ANKRD36: variants seen among roughly 807,000 people sequenced by gnomAD.
The protein encoded by ANKRD36 is ankyrin repeat domain-containing protein 36A.
A neutral mutation model predicts 278.1 loss-of-function variants in ANKRD36; 179 were observed. The ratio of observed to expected loss-of-function variants is 0.64; its 90% CI spans 0.57 to 0.73. The LOEUF is 0.73. Among genes scored for constraint, ANKRD36 ranks in the 30% least tolerant of loss-of-function variants. ANKRD36 has a pLI of 0.00. For missense variants in ANKRD36, 1,159 were observed against 1,956.7 expected (o/e 0.59, Z 7.69); for synonymous variants, 320 against 641.1 (o/e 0.50, Z 7.57).
chr2:97,219,587 T>G (rs1323597459), intron 66 of ANKRD36, among the ~76,000 whole-genome samples: 3 of 148,020 alleles, frequency 2.0e-5, no homozygotes, highest in Non-Finnish European at 4.5e-5. Flanking sequence ...GTTCAAGCAA[T>G]TCTCTTGCCT....
chr2:97,242,597 G>C (rs1178218737), intron 69 of ANKRD36, among the ~76,000 whole-genome samples: 15 of 145,284 alleles, frequency 1.0e-4, no homozygotes, highest in Non-Finnish European at 1.3e-4. Context: ...ACCTAGTCTT[G>C]GATTACAGTA....
intron 67 of ANKRD36, among the ~76,000 whole-genome samples, chr2:97,226,700 C>G (rs1415632496): frequency 3.3e-5 from 5 of 151,898 alleles, no homozygotes. Flanking sequence ...AGTCCTTGCC[C>G]ATGCCTATGT....
chr2:97,159,345 T>C (rs1311786443), intron 17 of ANKRD36, among the ~76,000 whole-genome samples: 1 of 152,110 alleles, frequency 6.6e-6, no homozygotes, highest in Non-Finnish European at 1.5e-5. Flanking sequence ...ATATTTAAGG[T>C]AATGTGTATC....
At chr2:97,209,437 T>G (rs1325075521) in intron 54 of ANKRD36, among the ~76,000 whole-genome samples, 1 of 146,498 alleles carries the variant, frequency 6.8e-6, no homozygotes, top group Non-Finnish European at 1.5e-5. Flanking sequence ...ACGGTTTTAT[T>G]TTAGTTTTTG....
chr2:97,193,306 G>T (rs1212383262), intron 38 of ANKRD36, among the ~76,000 whole-genome samples: 2 of 137,664 alleles, frequency 1.5e-5, no homozygotes, highest in African/African-American at 2.6e-5. Flanking sequence ...AGGCATAAGG[G>T]GCTCCGGGGA....
At position 97,192,844 on chromosome 2, in the gene ANKRD36, C is replaced by A. The variant is rs1341462181; in HGVS notation, c.2348-14C>A. The A allele has an allele frequency of 3.1e-6, 5 of 1,600,756 alleles. No individual in the cohort carries two copies. Among genetic ancestry groups the A allele is most frequent in the Non-Finnish European group, 4.3e-6 (5 of 1,175,534 alleles). The stretch of plus-strand genomic sequence containing the variant: ...GTTACATATGAGTGATTATGTATCC[C>A]TTTTGCTTTTCAGTGTCTTCTCAGA... On this transcript the variant is annotated splice_polypyrimidine_tract_variant and intron_variant, in intron 36 of 75. Coordinates refer to ENST00000420699, the MANE Select transcript of ANKRD36 (RefSeq NM_001354587.1).
chr2:97,181,004 C>T lies in ANKRD36; in HGVS notation c.1736-594C>T, dbSNP rs543369447. The stretch of plus-strand genomic sequence containing the variant: ...AGGCTAAACTAGTGGATACAAGAAT[C>T]TTAGGCAAATTATTACACCACATGG... On this transcript the variant is annotated intron_variant, in intron 24 of 75. Coordinates refer to ENST00000420699, the MANE Select transcript of ANKRD36 (RefSeq NM_001354587.1). Among the ~76,000 whole-genome samples, 176 of 151,738 alleles carry T rather than the reference C, an allele frequency of 1.2e-3. 1 individual carries two copies. The highest frequency in any genetic ancestry group is 4.2e-3 in the African/African-American group (174 of 41,494).
intron 40 of ANKRD36, among the ~76,000 whole-genome samples, chr2:97,195,739 A>G (rs1269695866): frequency 1.3e-5 from 2 of 151,980 alleles, no homozygotes; most frequent in Non-Finnish European, 2.9e-5. Context: ...ACTGCCAACA[A>G]GGGTATTCTA....
chr2:97,114,221 A>G (rs2034524926), intron 1 of ANKRD36, among the ~76,000 whole-genome samples: 2 of 94,626 alleles, frequency 2.1e-5, no homozygotes, highest in Non-Finnish European at 4.2e-5. Flanking sequence ...CTTGGGGGGT[A>G]GGGGCGTGGA....
chr2:97,243,908 G>C lies in ANKRD36; in HGVS notation c.4370G>C (p.Arg1457Thr). The C allele has an allele frequency of 1.2e-6, 2 of 1,606,786 alleles. No homozygotes were observed. Among genetic ancestry groups the C allele is most frequent in the Non-Finnish European group, 1.7e-6 (2 of 1,178,416 alleles). ...GTTGAAGAGGTGCACCAAAAAGTTA[G>C]GGAAAAGTTAAGAATAACAGAAGAG... ...RNVEEVHQKV[R>T]EKLRITEEQY... The change falls in exon 70 of 76, where the codon AGG becomes ACG. Residue 1457 changes from arginine to threonine, a missense_variant. Transcript: ENST00000420699.
chr2:97,201,545 T>C (rs1436295967), intron 46 of ANKRD36, among the ~76,000 whole-genome samples: 2 of 151,924 alleles, frequency 1.3e-5, no homozygotes, highest in South Asian at 2.1e-4. Context: ...TTTGGTGCCA[T>C]GAGTGGATGA....
intron 64 of ANKRD36, among the ~76,000 whole-genome samples, chr2:97,218,593 G>C (rs1445626379): frequency 6.6e-6 from 1 of 151,878 alleles, no homozygotes; most frequent in Non-Finnish European, 1.5e-5. Flanking sequence ...CATTGTAATT[G>C]TGTACCTTCT....
chr2:97,146,778 C>G (rs899136684), intron 11 of ANKRD36, among the ~76,000 whole-genome samples: 1 of 151,626 alleles, frequency 6.6e-6, no homozygotes, highest in Admixed American at 6.6e-5. Context: ...ATGATTTGAC[C>G]ATCATCCTGC....
chr2:97,231,328 C>A (rs570247977), intron 67 of ANKRD36, among the ~76,000 whole-genome samples: 3 of 152,278 alleles, frequency 2.0e-5, no homozygotes, highest in Non-Finnish European at 4.4e-5. Flanking sequence ...CTAAGCAAGC[C>A]TGGGCAATGG....
rs200870162 is a variant in ANKRD36, at chr2:97,200,351, C to A, written c.2773C>A (p.Pro925Thr). ...KTKRVSSRKKPSLEATSDEKD... is the reference protein window; with the variant it reads ...KTKRVSSRKKTSLEATSDEKD... The stretch of plus-strand genomic sequence containing the variant: ...CTTTTCAGTGTCTTCTCGGAAAAAA[C>A]CATCCTTGGAGGTAATGAAACTCTC... Residue 925 changes from proline to threonine, a missense_variant, in exon 45 of 76, where the codon CCA (proline) becomes ACA (threonine). Pro to Thr is a conservative substitution (Grantham distance 38). Coordinates refer to ENST00000420699, the MANE Select transcript of ANKRD36 (RefSeq NM_001354587.1). 1.6e-3 allele frequency: 2,522 copies of A among 1,603,374 alleles called. No individual in the cohort carries two copies. Among genetic ancestry groups the A allele is most frequent in the Admixed American group, 1.9e-3 (113 of 59,688 alleles).
At position 97,209,434 on chromosome 2, in the gene ANKRD36, T is replaced by C. The variant is rs546845195; in HGVS notation, c.3266-247T>C. Among the ~76,000 whole-genome samples the C allele has an allele frequency of 4.8e-5, 7 of 146,652 alleles. No individual in the cohort carries two copies. In the East Asian group the frequency reaches 1.4e-3, roughly 29 times the overall value. Reference sequence around the variant, plus strand: ...ATCCACATTGAGATTGACACGGTTTTATTTTAGTTTTTGACACGTGACAAA... The same window carrying C: ...ATCCACATTGAGATTGACACGGTTTCATTTTAGTTTTTGACACGTGACAAA... On this transcript the variant is annotated intron_variant, in intron 54 of 75. Coordinates refer to ENST00000420699, the MANE Select transcript of ANKRD36 (RefSeq NM_001354587.1).
At chr2:97,116,275 T>C (rs1303209347) in intron 1 of ANKRD36, among the ~76,000 whole-genome samples, 1 of 152,020 alleles carries the variant, frequency 6.6e-6, no homozygotes, top group Non-Finnish European at 1.5e-5. Context: ...TTTATGTCTT[T>C]GTTTGTTTGT....
At chr2:97,213,869 G>A (rs1045607343) in intron 60 of ANKRD36, among the ~76,000 whole-genome samples, 1 of 151,776 alleles carries the variant, frequency 6.6e-6, no homozygotes, top group Non-Finnish European at 1.5e-5. Context: ...GACATAAGGG[G>A]CTCAGGGGAA....
At chr2:97,155,114 A>G (rs1380510367) in intron 15 of ANKRD36, among the ~76,000 whole-genome samples, 4 of 138,462 alleles carry the variant, frequency 2.9e-5, no homozygotes, top group African/African-American at 9.8e-5. Context: ...AGTATGACTA[A>G]TAATACCTCT....
Sources: gnomAD v4.1 joint callset for allele counts (sites outside exome capture counted in the v4.1 genomes callset) on GRCh38, gnomAD v4.1.1 for gene constraint, MANE v1.5 for transcripts, NCBI Gene and HGNC (gene_info 2026-07-23, HGNC 2026-07-21) for gene names.